The following ZC3H6 variants were observed in gnomAD, a reference collection of about 807,000 sequenced individuals.
ZC3H6 encodes the protein zinc finger CCCH domain-containing protein 6.
Under a neutral mutation model 107.7 loss-of-function variants are expected in ZC3H6, and 40 were observed. The observed-to-expected ratio is 0.37, with a 90% CI of 0.29 to 0.48. ZC3H6 has a LOEUF of 0.48. ZC3H6 is among the 20% of genes least tolerant of loss of function. ZC3H6 has a pLI of 0.98. For synonymous variants in ZC3H6, 493 were observed against 487.9 expected (o/e 1.01, Z -0.14); for missense variants, 1,267 against 1,410.4 (o/e 0.90, Z 1.63).
At chr2:112,294,440 GAC>G (rs1676188215) in intron 1 of ZC3H6, among the ~76,000 whole-genome samples, 1 of 152,208 alleles carries the variant, frequency 6.6e-6, no homozygotes, top group African/African-American at 2.4e-5. Context: ...TAGAGATTCT[GAC>G]ACAGTCACTT....
intron 1 of ZC3H6, among the ~76,000 whole-genome samples, chr2:112,290,919 C>T (rs1676100711): frequency 6.6e-6 from 1 of 151,544 alleles, no homozygotes; most frequent in Non-Finnish European, 1.5e-5. Flanking sequence ...CAGTGTCTGC[C>T]ATATCAAGTA....
chr2:112,317,472 A>C (rs1374880530), intron 7 of ZC3H6, 140 bp downstream of exon 7: 42 of 487,216 alleles, frequency 8.6e-5, no homozygotes, highest in Non-Finnish European at 1.1e-5. Flanking sequence ...AACCCAGTCT[A>C]GTCAAACTTT....
At position 112,332,570 on chromosome 2, in the gene ZC3H6, T is replaced by A; in HGVS notation, c.*82T>A. The A allele has an allele frequency of 7.4e-7, 1 of 1,346,986 alleles. No homozygotes were observed. The highest frequency in any genetic ancestry group is 1.0e-6 in the Non-Finnish European group (1 of 999,056). The allele number at this position is 1,346,986 out of a possible 1,614,324, so 83.4% of individuals were successfully genotyped here. A position where few individuals can be genotyped will look rare whatever the true frequency, so the allele number is the denominator to read the frequency against. ...TTTTGTAACTGGTTTACCTCTATAG[T>A]TTATTTATTTTTAAATTATAAACAC... is the stretch of plus-strand genomic sequence containing the variant. On this transcript the variant is annotated 3_prime_UTR_variant, in exon 12 of 12. Transcript: ENST00000409871.
In ZC3H6 at chr2:112,316,378, A is replaced by G. The variant is rs932725469; in HGVS notation, c.748-92A>G. 6 of 774,282 alleles carry G rather than the reference A, an allele frequency of 7.7e-6. No individual in the cohort carries two copies. In the African/African-American group the frequency reaches 9.0e-5, roughly 12 times the overall value. 48.0% of individuals were successfully genotyped at this position (774,282 alleles called of 1,614,324 possible). A position where few individuals can be genotyped will look rare whatever the true frequency, so the allele number is the denominator to read the frequency against. The stretch of plus-strand genomic sequence containing the variant: ...CAATCTTGATCACTTTTTGTAGTCA[A>G]TTTGTACTTTTTTCCAGATCAACTT... On this transcript the variant is annotated intron_variant, in intron 5 of 11. Coordinates refer to ENST00000409871, the MANE Select transcript of ZC3H6 (RefSeq NM_198581.3).
rs759531685 is a variant in ZC3H6 at position 112,324,112 on chromosome 2, T to C, written c.1341-40T>C. ...AGTGTTAACATTCTTGTTTGTTTCT[T>C]TTTCTTTGAACTAAGAAATATTATT... On this transcript the variant is annotated intron_variant, in intron 9 of 11. Coordinates refer to ENST00000409871, the MANE Select transcript of ZC3H6 (RefSeq NM_198581.3). The C allele has an allele frequency of 2.6e-6, 4 of 1,515,508 alleles. No individual in the cohort carries two copies. In the African/African-American group the frequency reaches 5.6e-5, roughly 21 times the overall value. The allele number at this position is 1,515,508 out of a possible 1,614,324, so 93.9% of individuals were successfully genotyped here. A position where few individuals can be genotyped will look rare whatever the true frequency, so the allele number is the denominator to read the frequency against.
intron 1 of ZC3H6, among the ~76,000 whole-genome samples, chr2:112,280,742 G>A (rs890529925): frequency 2.0e-5 from 3 of 152,120 alleles, no homozygotes; most frequent in Admixed American, 6.5e-5. Flanking sequence ...TACACGAAAA[G>A]CATGGATAAA....
At chr2:112,291,144 G>A in intron 1 of ZC3H6, among the ~76,000 whole-genome samples, 1 of 152,222 alleles carries the variant, frequency 6.6e-6, no homozygotes, top group Non-Finnish European at 1.5e-5. Context: ...CATACCCTGT[G>A]TAAGCTAATC....
At chr2:112,294,160 T>G (rs1285607826) in intron 1 of ZC3H6, among the ~76,000 whole-genome samples, 2 of 152,188 alleles carry the variant, frequency 1.3e-5, no homozygotes, top group African/African-American at 4.8e-5. Flanking sequence ...ACACAGAGCA[T>G]TCTGCCAAAG....
At chr2:112,281,330 G>C (rs1686522764) in intron 1 of ZC3H6, among the ~76,000 whole-genome samples, 1 of 152,194 alleles carries the variant, frequency 6.6e-6, no homozygotes, top group Admixed American at 6.5e-5. Flanking sequence ...AGCCTGGTAT[G>C]ATTGAGGAAA....
chr2:112,276,111 T>A, intron 1 of ZC3H6, 85 bp downstream of exon 1: 1 of 1,274,968 alleles, frequency 7.8e-7, no homozygotes, highest in South Asian at 1.3e-5. Flanking sequence ...GGGCGCCTCC[T>A]GCATGACCTA....
intron 3 of ZC3H6, among the ~76,000 whole-genome samples, chr2:112,307,738 C>A (rs1004463800): frequency 2.0e-5 from 3 of 152,012 alleles, no homozygotes; most frequent in Non-Finnish European, 4.4e-5. Flanking sequence ...CAAAAGGAGC[C>A]CTGGGATGGA....
At chr2:112,325,337 T>G (rs1305018268) in intron 11 of ZC3H6, 140 bp downstream of exon 11, 2 of 760,800 alleles carry the variant, frequency 2.6e-6, no homozygotes, top group Non-Finnish European at 4.3e-6. Context: ...CTACTAAAAA[T>G]GCAAAAATTA....
At chr2:112,325,487 A>G (rs1676890558) in intron 11 of ZC3H6, among the ~76,000 whole-genome samples, 1 of 152,162 alleles carries the variant, frequency 6.6e-6, no homozygotes, top group African/African-American at 2.4e-5. Context: ...AAGGATTAAA[A>G]ATGAGCTCTG....
At chr2:112,294,427 TC>T (rs1462696769) in intron 1 of ZC3H6, among the ~76,000 whole-genome samples, 1 of 152,240 alleles carries the variant, frequency 6.6e-6, no homozygotes, top group African/African-American at 2.4e-5. Flanking sequence ...TGCAAAGAAA[TC>T]CTAGAGATTC....
chr2:112,285,134 T>A (rs1233904166), intron 1 of ZC3H6, among the ~76,000 whole-genome samples: 1 of 152,184 alleles, frequency 6.6e-6, no homozygotes, highest in Non-Finnish European at 1.5e-5. Context: ...TAGCTAACTC[T>A]CTCAATATTA....
intron 5 of ZC3H6, among the ~76,000 whole-genome samples, chr2:112,314,143 AG>A (rs899578630): frequency 2.6e-4 from 40 of 152,126 alleles, no homozygotes; most frequent in African/African-American, 9.6e-4. Context: ...TACAGTAGGT[AG>A]CTTGGTTTTT....
intron 1 of ZC3H6, among the ~76,000 whole-genome samples, chr2:112,288,370 T>C (rs570992403): frequency 1.3e-5 from 2 of 152,334 alleles, no homozygotes; most frequent in Non-Finnish European, 2.9e-5. Context: ...TATTCAGATA[T>C]GTATAGTTCA....
intron 1 of ZC3H6, among the ~76,000 whole-genome samples, chr2:112,287,696 G>T (rs1425109929): frequency 6.6e-6 from 1 of 152,152 alleles, no homozygotes; most frequent in Admixed American, 6.5e-5. Context: ...CCACCTCCCG[G>T]GTTCACGCTA....
chr2:112,310,083 GA>G lies in ZC3H6; in HGVS notation c.538del (p.Thr180ProfsTer6). 6.2e-7 allele frequency: 1 copy of G among 1,613,496 alleles called. No individual in the cohort carries two copies. Among genetic ancestry groups the G allele is most frequent in the South Asian group, 1.1e-5 (1 of 90,988 alleles). On this transcript the variant is annotated frameshift_variant, in exon 4 of 12. Transcript: ENST00000409871. LOFTEE classifies it high-confidence loss of function. The stretch of plus-strand genomic sequence containing the variant: ...GCTGAAACAATACAGGCAAGCTAAA[GA>G]AACCTCAAATATTGCTTTAGGGTCA... ...NQLKQYRQAK[E>X]TSNIALGSSF...
Sources: gnomAD v4.1 joint callset for allele counts (sites outside exome capture counted in the v4.1 genomes callset) on GRCh38, gnomAD v4.1.1 for gene constraint, MANE v1.5 for transcripts, NCBI Gene and HGNC (gene_info 2026-07-23, HGNC 2026-07-21) for gene names.